Variants in VKORC1L1 observed in about 807,000 individuals in gnomAD.
The protein encoded by VKORC1L1 is vitamin K epoxide reductase complex subunit 1-like protein 1.
A neutral mutation model predicts 18.9 loss-of-function variants in VKORC1L1; 2 were observed. The observed-to-expected ratio is 0.11, with a 90% CI of 0.04 to 0.33. The LOEUF (loss-of-function observed/expected upper bound fraction) is 0.33. VKORC1L1 is among the 10% of genes least tolerant of loss of function. The pLI is 1.00. For synonymous variants in VKORC1L1, 96 were observed against 100.0 expected (o/e 0.96, Z 0.24); for missense variants, 123 against 224.1 (o/e 0.55, Z 2.88).
At chr7:65,887,962 A>G (rs969128902) in intron 1 of VKORC1L1, among the ~76,000 whole-genome samples, 1 of 152,234 alleles carries the variant, frequency 6.6e-6, no homozygotes, top group African/African-American at 2.4e-5. Flanking sequence ...AAAAATAAAA[A>G]TTGTTTTTGT....
chr7:65,921,783 G>A (rs1254566006), intron 1 of VKORC1L1, among the ~76,000 whole-genome samples: 5 of 151,968 alleles, frequency 3.3e-5, no homozygotes, highest in African/African-American at 9.7e-5. Flanking sequence ...GGGAGGCGGA[G>A]CTTGCAGTGA....
chr7:65,883,951 G>T (rs1788971121), intron 1 of VKORC1L1, among the ~76,000 whole-genome samples: 1 of 152,178 alleles, frequency 6.6e-6, no homozygotes, highest in Admixed American at 6.5e-5. Context: ...TGGCTGTCTT[G>T]TGATTACCGA....
chr7:65,893,707 T>C lies in VKORC1L1; in HGVS notation c.194+20142T>C, dbSNP rs553148563. Among the ~76,000 whole-genome samples, 36 of 152,288 alleles carry C rather than the reference T, an allele frequency of 2.4e-4. 1 individual carries two copies. In the South Asian group the frequency reaches 6.8e-3, roughly 29 times the overall value. On this transcript the variant is annotated intron_variant, in intron 1 of 2. Transcript: ENST00000360768. ...GTTGTAATTTCTAATGTGATAAATA[T>C]AATAGGTATAATGCATGTTAACTAA...
intron 1 of VKORC1L1, among the ~76,000 whole-genome samples, chr7:65,873,977 C>G (rs1425057526): frequency 3.3e-5 from 5 of 152,054 alleles, no homozygotes; most frequent in Non-Finnish European, 5.9e-5. Flanking sequence ...TCCACCGCAC[C>G]CTTGAGACCA....
At chr7:65,934,837 G>A (rs758827543) in intron 1 of VKORC1L1, among the ~76,000 whole-genome samples, 2 of 152,002 alleles carry the variant, frequency 1.3e-5, no homozygotes, top group South Asian at 2.1e-4. Context: ...GGCAGATCAC[G>A]AGGTCAGGAG....
the VKORC1L1 span, among the ~76,000 whole-genome samples, chr7:65,866,171 G>A: frequency 1.3e-5 from 2 of 152,146 alleles, no homozygotes; most frequent in Non-Finnish European, 2.9e-5. Flanking sequence ...AAGATACTGG[G>A]AAGTCTCTAA....
chr7:65,921,864 T>A (rs1384211050), intron 1 of VKORC1L1, among the ~76,000 whole-genome samples: 28 of 149,286 alleles, frequency 1.9e-4, no homozygotes, highest in Admixed American at 1.1e-3. Context: ...AAAAAAAAAA[T>A]TTTTTTTAGA....
chr7:65,916,971 AGT>A (rs1789599485), intron 1 of VKORC1L1, among the ~76,000 whole-genome samples: 1 of 152,072 alleles, frequency 6.6e-6, no homozygotes, highest in Non-Finnish European at 1.5e-5. Flanking sequence ...AGGACTTCAG[AGT>A]GTTTATTTTA....
chr7:65,922,333 T>G lies in VKORC1L1; in HGVS notation c.195-26338T>G, dbSNP rs184823560. On this transcript the variant is annotated intron_variant, in intron 1 of 2. Coordinates refer to ENST00000360768, the MANE Select transcript of VKORC1L1 (RefSeq NM_173517.6). ...CTCTGTCACCCAGGCTAGAGTGCAG[T>G]GCAGTCGCGCAATCTTGGCTGACCG... 2.6e-5 allele frequency among the ~76,000 whole-genome samples: 4 copies of G among 151,980 alleles called. No homozygotes were observed. In the East Asian group the frequency reaches 7.7e-4, roughly 29 times the overall value.
intron 1 of VKORC1L1, among the ~76,000 whole-genome samples, chr7:65,895,897 T>C (rs956803517): frequency 7.1e-6 from 1 of 141,338 alleles, no homozygotes; most frequent in African/African-American, 2.6e-5. Flanking sequence ...CTCACTTCTT[T>C]TTTTTTTTTT....
At chr7:65,938,872 A>T (rs1288816445) in intron 1 of VKORC1L1, among the ~76,000 whole-genome samples, 1 of 152,190 alleles carries the variant, frequency 6.6e-6, no homozygotes, top group African/African-American at 2.4e-5. Context: ...GTGTGGTCCT[A>T]GACCCAGACT....
At chr7:65,889,290 T>C (rs536070019) in intron 1 of VKORC1L1, among the ~76,000 whole-genome samples, 122 of 152,294 alleles carry the variant, frequency 8.0e-4, no homozygotes, top group South Asian at 1.5e-3. Context: ...TAATATCTAA[T>C]TGCCTACTAG....
the VKORC1L1 span, among the ~76,000 whole-genome samples, chr7:65,866,010 C>T: frequency 6.6e-6 from 1 of 151,874 alleles, no homozygotes; most frequent in Admixed American, 6.6e-5. Flanking sequence ...ATCCCAGCTA[C>T]TCGAGGGGCT....
chr7:65,877,370 A>G (rs1428025751), intron 1 of VKORC1L1, among the ~76,000 whole-genome samples: 1 of 148,674 alleles, frequency 6.7e-6, no homozygotes, highest in Non-Finnish European at 1.5e-5. Context: ...TTTTTGATGG[A>G]GTCTCGCTGC....
chr7:65,899,833 C>G (rs1005509734), intron 1 of VKORC1L1, among the ~76,000 whole-genome samples: 1 of 152,018 alleles, frequency 6.6e-6, no homozygotes, highest in African/African-American at 2.4e-5. Context: ...AACCCCGTCT[C>G]TACTAAAAAT....
intron 1 of VKORC1L1, among the ~76,000 whole-genome samples, chr7:65,890,006 G>A (rs759806447): frequency 1.3e-5 from 2 of 151,966 alleles, no homozygotes; most frequent in African/African-American, 2.4e-5. Context: ...CACCCGGGCT[G>A]GAGTACAATG....
intron 1 of VKORC1L1, among the ~76,000 whole-genome samples, chr7:65,901,242 A>G (rs1789310144): frequency 6.6e-6 from 1 of 152,172 alleles, no homozygotes. Context: ...TGTGCCTATA[A>G]TCCCAGTGTT....
At chr7:65,892,052 G>T (rs966271163) in intron 1 of VKORC1L1, among the ~76,000 whole-genome samples, 1 of 151,974 alleles carries the variant, frequency 6.6e-6, no homozygotes, top group Non-Finnish European at 1.5e-5. Context: ...ATCTTTCTGT[G>T]CCTGGCTTAT....
chr7:65,948,183 T>C (rs1246565738), intron 1 of VKORC1L1, among the ~76,000 whole-genome samples: 1 of 152,108 alleles, frequency 6.6e-6, no homozygotes, highest in African/African-American at 2.4e-5. Context: ...TAGTCACACC[T>C]GGGATGGAGG....
Sources: gnomAD v4.1 joint callset for allele counts (sites outside exome capture counted in the v4.1 genomes callset) on GRCh38, gnomAD v4.1.1 for gene constraint, MANE v1.5 for transcripts, NCBI Gene and HGNC (gene_info 2026-07-23, HGNC 2026-07-21) for gene names.